GRIP2: variants seen among roughly 807,000 people sequenced by gnomAD.
The protein encoded by GRIP2 is glutamate receptor-interacting protein 2.
GRIP2 carries 58 observed loss-of-function variants against 108.3 expected under a neutral mutation model. The observed-to-expected ratio is 0.54, with a 90% CI of 0.43 to 0.67. The LOEUF is 0.67. Ranked by LOEUF, GRIP2 falls within the 30% of genes least tolerant of loss-of-function variation. The probability of loss-of-function intolerance (pLI) is 0.00; values close to 1 mark genes in which losing one functional copy is unlikely to be tolerated. For synonymous variants in GRIP2, 586 were observed against 598.2 expected, an observed-to-expected ratio of 0.98 and a Z score of 0.30; for missense variants, 1,278 against 1,430.6, an observed-to-expected ratio of 0.89 and a Z score of 1.72.
At chr3:14,578,181 G>A in the GRIP2 span, among the ~76,000 whole-genome samples, 6 of 152,188 alleles carry the variant, frequency 3.9e-5, no homozygotes, top group African/African-American at 9.7e-5. Context: ...TGTCATCGAC[G>A]AGGGCCAGGG....
chr3:14,587,209 G>A, the GRIP2 span, among the ~76,000 whole-genome samples: 2 of 152,214 alleles, frequency 1.3e-5, no homozygotes, highest in Admixed American at 1.3e-4. Flanking sequence ...GCATGGCAAT[G>A]TCTTTGTTTA....
At chr3:14,516,659 A>G (rs1293431810) in intron 11 of GRIP2, among the ~76,000 whole-genome samples, 1 of 152,236 alleles carries the variant, frequency 6.6e-6, no homozygotes, top group Non-Finnish European at 1.5e-5. Context: ...GGGGAAATTA[A>G]CAAATGGCAG....
chr3:14,574,022 C>T, the GRIP2 span: 2 of 1,445,484 alleles, frequency 1.4e-6, no homozygotes, highest in Non-Finnish European at 1.9e-6. Context: ...TGAGGGCCTC[C>T]GAGCTGGGCC....
chr3:14,541,859 G>A (rs766514589), upstream of GRIP2: 7 of 1,315,966 alleles, frequency 5.3e-6, no homozygotes, highest in East Asian at 1.0e-4. Flanking sequence ...ATGCAGGGAC[G>A]GGGGTACACG....
At chr3:14,498,850 G>A (rs1693688430) in intron 21 of GRIP2, among the ~76,000 whole-genome samples, 1 of 152,192 alleles carries the variant, frequency 6.6e-6, no homozygotes, top group Non-Finnish European at 1.5e-5. Context: ...TCAGAGACAG[G>A]CATGAGCAGG....
At chr3:14,516,093 G>A (rs774188834) in intron 11 of GRIP2, among the ~76,000 whole-genome samples, 1 of 152,110 alleles carries the variant, frequency 6.6e-6, no homozygotes. Flanking sequence ...GGAGTCGCAA[G>A]AGCCTCCAGT....
At chr3:14,494,645 T>C (rs1292949753) in intron 23 of GRIP2, among the ~76,000 whole-genome samples, 198 bp downstream of exon 23, 1 of 152,146 alleles carries the variant, frequency 6.6e-6, no homozygotes, top group East Asian at 1.9e-4. Flanking sequence ...ACAATGGGCA[T>C]GGGGTGTAAG....
chr3:14,499,374 CAAG>C (rs1693704287), intron 21 of GRIP2, among the ~76,000 whole-genome samples: 1 of 64,956 alleles, frequency 1.5e-5, no homozygotes, highest in Admixed American at 2.3e-4. Context: ...ACAGACAAAA[CAAG>C]TCGGCGAATC....
intron 5 of GRIP2, 35 bp downstream of exon 5, chr3:14,523,577 G>C: frequency 7.4e-7 from 1 of 1,354,074 alleles, no homozygotes; most frequent in African/African-American, 1.4e-5. Context: ...CCTCTTTCTT[G>C]CTGCCCCAAT....
At chr3:14,504,310 T>C (rs915925814) in intron 20 of GRIP2, among the ~76,000 whole-genome samples, 1 of 83,410 alleles carries the variant, frequency 1.2e-5, no homozygotes. Flanking sequence ...CACTTGCTTG[T>C]TTTTTTTTTT....
In GRIP2 at chr3:14,521,908, G is replaced by T; in HGVS notation, c.567-121C>A. ...AAGCAGGGAATGGGTGGGGGAGGAA[G>T]GGGAGGAGGGGACGGGTGAAGGGGC... On this transcript the variant is annotated intron_variant, in intron 6 of 23. Transcript: ENST00000621039. The surrounding 1 kb of genome is among the most constrained non-coding windows in gnomAD (Gnocchi z 5.1). The T allele has an allele frequency of 1.1e-6, 1 of 899,742 alleles. No individual in the cohort carries two copies. Among genetic ancestry groups the T allele is most frequent in the South Asian group, 1.9e-5 (1 of 53,340 alleles). The allele number at this position is 899,742 out of a possible 1,614,324, so 55.7% of individuals were successfully genotyped here.
upstream of GRIP2, among the ~76,000 whole-genome samples, chr3:14,542,475 C>A (rs550566146): frequency 9.3e-5 from 14 of 150,202 alleles, no homozygotes; most frequent in African/African-American, 2.7e-4. Context: ...TGCCTCATTT[C>A]TCTGCTCCTT....
At chr3:14,552,161 G>A (rs1318157080) in intron 1 of GRIP2, among the ~76,000 whole-genome samples, 8 of 152,336 alleles carry the variant, frequency 5.3e-5, no homozygotes, top group Non-Finnish European at 1.2e-4. Flanking sequence ...CAGGAGTGGC[G>A]CACTGGAGAG....
upstream of GRIP2, chr3:14,540,398 A>C: frequency 6.2e-7 from 1 of 1,608,176 alleles, no homozygotes; most frequent in Non-Finnish European, 8.5e-7. The surrounding 1 kb of genome is among the most constrained non-coding windows in gnomAD (Gnocchi z 4.1). Context: ...GGGCTGTGGG[A>C]GGGAAGCTCA....
At chr3:14,494,228 G>T (rs982264516) in intron 23 of GRIP2, among the ~76,000 whole-genome samples, 2 of 152,176 alleles carry the variant, frequency 1.3e-5, no homozygotes, top group African/African-American at 4.8e-5. Flanking sequence ...ACTCCTAATG[G>T]AGACAAAAAG....
the GRIP2 span, chr3:14,574,062 T>C: frequency 6.6e-7 from 1 of 1,504,744 alleles, no homozygotes; most frequent in Non-Finnish European, 9.2e-7. Context: ...CTGCACGTAC[T>C]TGACGTTCTC....
rs555961991 is a variant in GRIP2 at position 14,508,106 on chromosome 3, C to T, written c.2079-406G>A. ...AAATCATAACTGAGGCGTGAATGAACGGAATGGATTCCTACTTCCCTCCAG... is the reference window on the plus strand; with the variant it reads ...AAATCATAACTGAGGCGTGAATGAATGGAATGGATTCCTACTTCCCTCCAG... On this transcript the variant is annotated intron_variant, in intron 17 of 23. Transcript: ENST00000621039. 5.9e-5 allele frequency among the ~76,000 whole-genome samples: 9 copies of T among 152,324 alleles called. No homozygotes were observed. The South Asian group carries it at 1.0e-3, about 18-fold the overall frequency.
chr3:14,582,044 G>A, the GRIP2 span, among the ~76,000 whole-genome samples: 34 of 152,146 alleles, frequency 2.2e-4, no homozygotes, highest in African/African-American at 7.5e-4. Context: ...TAGGGGAGAC[G>A]AGAGATACTG....
chr3:14,493,587 C>T lies in GRIP2; in HGVS notation c.*78G>A. 6.9e-7 allele frequency: 1 copy of T among 1,441,922 alleles called. No homozygotes were observed. Among genetic ancestry groups the T allele is most frequent in the Non-Finnish European group, 9.2e-7 (1 of 1,083,344 alleles). The allele number at this position is 1,441,922 out of a possible 1,614,324, so 89.3% of individuals were successfully genotyped here. ...CAACAGATGAATGAGTGGGTGGCCG[C>T]TTCTCCAGCCCAGCTACGTGTCTGG... On this transcript the variant is annotated 3_prime_UTR_variant, in exon 24 of 24. Coordinates refer to ENST00000621039, the MANE Select transcript of GRIP2 (RefSeq NM_001080423.4).
Sources: gnomAD v4.1 joint callset for allele counts (sites outside exome capture counted in the v4.1 genomes callset) on GRCh38, gnomAD v4.1.1 for gene constraint, Gnocchi (gnomAD v3.1) non-coding constraint, MANE v1.5 for transcripts, NCBI Gene and HGNC (gene_info 2026-07-23, HGNC 2026-07-21) for gene names.